CLEC12A: variants seen among roughly 807,000 people sequenced by gnomAD.
The protein encoded by CLEC12A is C-type lectin protein CLL-1.
Under a neutral mutation model 26.5 loss-of-function variants are expected in CLEC12A, and 22 were observed. That is an observed-to-expected ratio of 0.83 (90% CI 0.59 to 1.19). The LOEUF is 1.19. Among genes scored for constraint, CLEC12A ranks in the 50% most tolerant of loss-of-function variants. CLEC12A has a pLI of 0.00. For synonymous variants in CLEC12A, 119 were observed against 101.9 expected, an observed-to-expected ratio of 1.17 and a Z score of -1.01; for missense variants, 353 against 315.6, an observed-to-expected ratio of 1.12 and a Z score of -0.90.
chr12:9,951,411 A>C, intron 1 of CLEC12A: 1 of 702,682 alleles, frequency 1.4e-6, no homozygotes, highest in Non-Finnish European at 2.6e-6. Flanking sequence ...AATTTGAGAA[A>C]TTCTGAAGGA....
chr12:9,965,909 T>G (rs997823490), intron 1 of CLEC12A, among the ~76,000 whole-genome samples: 2 of 151,954 alleles, frequency 1.3e-5, no homozygotes, highest in Non-Finnish European at 2.9e-5. Context: ...TGTCCTATAC[T>G]TGTGGGTTAA....
chr12:9,964,833 G>A (rs1420983444), intron 1 of CLEC12A, among the ~76,000 whole-genome samples: 2 of 152,138 alleles, frequency 1.3e-5, no homozygotes, highest in African/African-American at 4.8e-5. Context: ...AACTAAGTGT[G>A]TTCAGGGTGA....
At chr12:9,974,537 TTTTCTTC>T in intron 1 of CLEC12A, among the ~76,000 whole-genome samples, 1 of 152,204 alleles carries the variant, frequency 6.6e-6, no homozygotes, top group East Asian at 1.9e-4. Flanking sequence ...TAATATTTAT[TTTTCTTC>T]TAAAATTGTC....
downstream of CLEC12A, among the ~76,000 whole-genome samples, chr12:10,000,605 A>C (rs760378672): frequency 1.3e-5 from 2 of 152,230 alleles, no homozygotes; most frequent in African/African-American, 4.8e-5. Context: ...TTCTTATCTC[A>C]GTTAAAATAT....
the CLEC12A span, among the ~76,000 whole-genome samples, chr12:10,004,915 C>G: frequency 1.3e-5 from 2 of 149,924 alleles, no homozygotes; most frequent in African/African-American, 4.9e-5. Flanking sequence ...TCCCTCCCCA[C>G]TCCCCCGACC....
rs1447780106 is a variant in CLEC12A at position 9,971,496 on chromosome 12, A to G, written c.-101A>G. On this transcript the variant is annotated 5_prime_UTR_variant, in exon 1 of 6. Transcript: ENST00000304361. ...TAAGCTTAAGCTTCCGTTTATAAAC[A>G]GAAGTTTAAAATTATAGGTCCTGTT... The G allele has an allele frequency of 6.1e-6, 9 of 1,476,166 alleles. No homozygotes were observed. The East Asian group carries it at 7.2e-5, about 12-fold the overall frequency. 91.4% of individuals were successfully genotyped at this position (1,476,166 alleles called of 1,614,324 possible). A position where few individuals can be genotyped will look rare whatever the true frequency, so the allele number is the denominator to read the frequency against.
chr12:9,998,686 C>G (rs1305790966), downstream of CLEC12A, among the ~76,000 whole-genome samples: 1 of 147,016 alleles, frequency 6.8e-6, no homozygotes, highest in African/African-American at 2.5e-5. Flanking sequence ...TTTATGCTCA[C>G]CCATGCCATA....
At chr12:9,954,856 A>T (rs1247302532) in intron 1 of CLEC12A, among the ~76,000 whole-genome samples, 3 of 152,194 alleles carry the variant, frequency 2.0e-5, no homozygotes, top group African/African-American at 7.2e-5. Flanking sequence ...TAAAAATAGA[A>T]ATGCCTTTGG....
chr12:9,977,077 AC>A (rs1864368352), intron 1 of CLEC12A, among the ~76,000 whole-genome samples: 1 of 152,194 alleles, frequency 6.6e-6, no homozygotes, highest in Admixed American at 6.5e-5. Context: ...ATGGACTAAT[AC>A]ACATGCTAAC....
intron 1 of CLEC12A, among the ~76,000 whole-genome samples, chr12:9,957,490 C>CAAAAAAAAAAAAACAAAAAAAAAAAAAAA (rs1863761574): frequency 8.0e-6 from 1 of 124,984 alleles, no homozygotes; most frequent in Non-Finnish European, 1.7e-5. Context: ...GACTTCATCT[C>CAAAAAAAAAAAAACAAAAAAAAAAAAAAA]AAAAAAAAAA....
intron 1 of CLEC12A, among the ~76,000 whole-genome samples, chr12:9,962,615 T>A (rs971664893): frequency 4.6e-5 from 7 of 152,036 alleles, no homozygotes; most frequent in Non-Finnish European, 7.4e-5. Flanking sequence ...AGGGGGCTTG[T>A]TCTCTGGCGG....
At chr12:9,961,893 A>G (rs935062544) in intron 1 of CLEC12A, among the ~76,000 whole-genome samples, 10 of 152,236 alleles carry the variant, frequency 6.6e-5, no homozygotes, top group African/African-American at 2.4e-4. Flanking sequence ...ACTCTCATGT[A>G]TAATATCCCT....
downstream of CLEC12A, among the ~76,000 whole-genome samples, chr12:9,987,115 C>A (rs1591841372): frequency 6.6e-6 from 1 of 152,162 alleles, no homozygotes; most frequent in Non-Finnish European, 1.5e-5. Flanking sequence ...CTGCTTTAAC[C>A]AGAGCCAGAG....
chr12:9,960,266 T>C (rs1358993317), intron 1 of CLEC12A, among the ~76,000 whole-genome samples: 1 of 152,188 alleles, frequency 6.6e-6, no homozygotes, highest in East Asian at 1.9e-4. Context: ...GATAAGAAAC[T>C]GTAAAAGGAA....
chr12:9,960,391 G>T (rs1415560971), intron 1 of CLEC12A, among the ~76,000 whole-genome samples: 1 of 152,170 alleles, frequency 6.6e-6, no homozygotes, highest in African/African-American at 2.4e-5. Context: ...TTCCCCAAGG[G>T]ATCCACTCCA....
chr12:9,977,252 C>G (rs1386305593), intron 1 of CLEC12A, among the ~76,000 whole-genome samples: 1 of 152,110 alleles, frequency 6.6e-6, no homozygotes, highest in Non-Finnish European at 1.5e-5. Context: ...CTAGTACTAG[C>G]TAGTCAAACT....
downstream of CLEC12A, chr12:9,997,187 T>C (rs773259821): frequency 1.2e-6 from 2 of 1,613,928 alleles, no homozygotes; most frequent in Non-Finnish European, 1.7e-6. Context: ...TCTGATTGTT[T>C]TACCACATAT....
downstream of CLEC12A, among the ~76,000 whole-genome samples, chr12:9,990,306 A>T (rs2137223045): frequency 6.6e-6 from 1 of 152,360 alleles, no homozygotes; most frequent in South Asian, 2.1e-4. Flanking sequence ...GAGACAACTT[A>T]CCATTCTAGA....
At chr12:9,985,958 C>G, downstream of CLEC12A, 1 of 179,486 alleles carries the variant, frequency 5.6e-6, no homozygotes, top group South Asian at 9.7e-5. Flanking sequence ...TGACCTTGAC[C>G]TAATTTTTTT....
Sources: gnomAD v4.1 joint callset for allele counts (sites outside exome capture counted in the v4.1 genomes callset) on GRCh38, gnomAD v4.1.1 for gene constraint, MANE v1.5 for transcripts, NCBI Gene and HGNC (gene_info 2026-07-23, HGNC 2026-07-21) for gene names.